Variants in TSKS observed in about 807,000 individuals in gnomAD.
The protein encoded by TSKS is testis-specific serine kinase substrate.
In TSKS, 27 loss-of-function variants were observed where a neutral mutation model predicts 68.0. That is an observed-to-expected ratio of 0.40 (90% CI 0.29 to 0.55). The LOEUF (loss-of-function observed/expected upper bound fraction) is 0.55, where lower values mean the gene tolerates loss of function less well. Ranked by LOEUF, TSKS falls within the 20% of genes least tolerant of loss-of-function variation. The pLI, the probability that TSKS is intolerant of heterozygous loss-of-function variation, is 0.53. For synonymous variants in TSKS, 331 were observed against 340.4 expected (o/e 0.97, Z 0.30); for missense variants, 806 against 776.0 (o/e 1.04, Z -0.46).
rs61734996 is a variant in TSKS, at chr19:49,739,863, C to G, written c.1692G>C (p.Leu564=). 2,216 of 1,614,020 alleles carry G rather than the reference C, an allele frequency of 1.4e-3. 30 individuals are homozygous for G. In the African/African-American group the frequency reaches 0.027, roughly 19 times the overall value. ...MCSLHDHLSN[L]PLEGSTGTMG... ...TTGTTCCCGTGGACCCCTCAAGTGG[C>G]AGGTTGCTGAGATGATCGTGGAGGG... The change falls in exon 11 of 11, where the codon CTG becomes CTC. Residue 564 remains leucine (L), a synonymous_variant. Transcript: ENST00000246801.
chr19:49,741,777 C>A, intron 9 of TSKS, 108 bp downstream of exon 9: 2 of 1,498,148 alleles, frequency 1.3e-6, no homozygotes. Context: ...CCCAGCTCAG[C>A]CCTTCCCCTT....
intron 2 of TSKS, among the ~76,000 whole-genome samples, chr19:49,758,064 G>A (rs1056163078): frequency 6.7e-6 from 1 of 149,292 alleles, no homozygotes; most frequent in African/African-American, 2.5e-5. Flanking sequence ...CTGGGTCTCT[G>A]TCCTCCTCTC....
chr19:49,744,946 C>G (rs1179809318), intron 7 of TSKS, among the ~76,000 whole-genome samples: 7 of 152,110 alleles, frequency 4.6e-5, no homozygotes, highest in Admixed American at 4.6e-4. Context: ...TTGATTTTCT[C>G]GGATCCCACT....
At chr19:49,747,161 G>C (rs1273222175) in intron 5 of TSKS, 2 of 1,536,254 alleles carry the variant, frequency 1.3e-6, no homozygotes, top group Admixed American at 3.9e-5. Flanking sequence ...AGTCCAGCTC[G>C]ATTCTCTTTC....
At chr19:49,762,354 C>G in intron 1 of TSKS, 122 bp from the exon 2 acceptor site, 1 of 662,894 alleles carries the variant, frequency 1.5e-6, no homozygotes. Flanking sequence ...AAGTTTCTCC[C>G]TTCTCTGTCC....
chr19:49,742,496 C>CTTTTTTTT (rs978089309), intron 8 of TSKS, among the ~76,000 whole-genome samples: 1 of 101,218 alleles, frequency 9.9e-6, no homozygotes, highest in East Asian at 2.8e-4. Flanking sequence ...GGGCCCGGCC[C>CTTTTTTTT]TTTTTTTTTT....
chr19:49,742,733 G>A (rs1456786054), intron 8 of TSKS, among the ~76,000 whole-genome samples: 4 of 151,486 alleles, frequency 2.6e-5, no homozygotes, highest in African/African-American at 9.7e-5. Flanking sequence ...CCTGACCTCC[G>A]GTGATCCTCC....
chr19:49,758,468 C>T (rs753474453), intron 2 of TSKS, among the ~76,000 whole-genome samples: 5 of 152,186 alleles, frequency 3.3e-5, no homozygotes, highest in Admixed American at 1.3e-4. Flanking sequence ...TCAGGCTTCA[C>T]GATCCAGTGG....
intron 2 of TSKS, among the ~76,000 whole-genome samples, chr19:49,755,224 C>A (rs2084383602): frequency 6.6e-6 from 1 of 152,024 alleles, no homozygotes; most frequent in Admixed American, 6.6e-5. Context: ...GCCTGAGAAA[C>A]ATGAAAACAA....
chr19:49,759,321 T>C (rs1469581129), intron 2 of TSKS, among the ~76,000 whole-genome samples: 2 of 151,192 alleles, frequency 1.3e-5, no homozygotes, highest in Non-Finnish European at 3.0e-5. Flanking sequence ...ATACAAAAAT[T>C]AGCCGGGCGT....
At chr19:49,761,252 C>G (rs2123633839) in intron 2 of TSKS, among the ~76,000 whole-genome samples, 1 of 152,264 alleles carries the variant, frequency 6.6e-6, no homozygotes, top group South Asian at 2.1e-4. Context: ...TTCTCAGTAT[C>G]TGGTAGAGCC....
chr19:49,752,605 A>G (rs955356635), intron 2 of TSKS, among the ~76,000 whole-genome samples: 1 of 152,160 alleles, frequency 6.6e-6, no homozygotes, highest in Non-Finnish European at 1.5e-5. Flanking sequence ...ATGGACTAAC[A>G]TGGAGTGGGA....
Position 49,748,445 on chromosome 19 carries a change from G to A in TSKS, c.424C>T (p.Arg142Cys), listed in dbSNP as rs754948650. The A allele has an allele frequency of 2.1e-5, 34 of 1,614,086 alleles. No individual in the cohort carries two copies. The highest frequency in any genetic ancestry group is 1.6e-4 in the Middle Eastern group (1 of 6,084). The change falls in exon 3 of 11, where the codon CGC (arginine) becomes TGC (cysteine). Residue 142 changes from arginine to cysteine, a missense_variant. Coordinates refer to ENST00000246801, the MANE Select transcript of TSKS (RefSeq NM_021733.2). The stretch of plus-strand genomic sequence containing the variant: ...AAGCTGGTGATGGAGTCTTTGGCGC[G>A]GACCAATCCACTGTTGACCCCACTC... ...ILSGVNSGLV[R>C]AKDSITSLKE...
chr19:49,739,859 G>C lies in TSKS; in HGVS notation c.1696C>G (p.Leu566Val). The change falls in exon 11 of 11, where the codon CTT (leucine) becomes GTT (valine). Residue 566 changes from leucine (L) to valine (V), a missense_variant. Coordinates refer to ENST00000246801, the MANE Select transcript of TSKS (RefSeq NM_021733.2). Reference sequence around the variant, plus strand: ...CCCATTGTTCCCGTGGACCCCTCAAGTGGCAGGTTGCTGAGATGATCGTGG... The same window carrying C: ...CCCATTGTTCCCGTGGACCCCTCAACTGGCAGGTTGCTGAGATGATCGTGG... ...SLHDHLSNLP[L>V]EGSTGTMGGG... 1 of 1,614,102 alleles carries C rather than the reference G, an allele frequency of 6.2e-7. No homozygotes were observed. The highest frequency in any genetic ancestry group is 1.1e-5 in the South Asian group (1 of 91,080).
At chr19:49,746,848 G>A (rs779422416) in intron 5 of TSKS, 50 bp from the exon 6 acceptor site, 9 of 1,573,320 alleles carry the variant, frequency 5.7e-6, no homozygotes, top group Admixed American at 1.7e-5. Flanking sequence ...CTTTCCTCCC[G>A]CAACCACCTC....
At chr19:49,748,280 C>T in intron 3 of TSKS, 94 bp downstream of exon 3, 1 of 1,558,300 alleles carries the variant, frequency 6.4e-7, no homozygotes, top group Non-Finnish European at 8.8e-7. Context: ...AGCTCCCCAA[C>T]TGAGCTATGG....
chr19:49,762,274 A>G, intron 1 of TSKS, 42 bp from the exon 2 acceptor site: 1 of 1,547,274 alleles, frequency 6.5e-7, no homozygotes, highest in East Asian at 2.3e-5. Context: ...AAGCAGCCCC[A>G]GGGTGTCTGG....
intron 6 of TSKS, 116 bp downstream of exon 6, chr19:49,746,354 C>T (rs1039254411): frequency 5.4e-5 from 69 of 1,272,514 alleles, no homozygotes; most frequent in Non-Finnish European, 6.5e-5. Context: ...CACCGCCCAC[C>T]TCAGCTACTT....
At chr19:49,742,388 G>A (rs2084259920) in intron 8 of TSKS, among the ~76,000 whole-genome samples, 1 of 152,130 alleles carries the variant, frequency 6.6e-6, no homozygotes, top group Admixed American at 6.6e-5. Context: ...AGTAGAGACG[G>A]GGTTTCACCA....
Sources: allele counts gnomAD v4.1 joint callset (sites outside exome capture counted in the v4.1 genomes callset), GRCh38; gene constraint gnomAD v4.1.1; transcripts MANE v1.5; gene names NCBI Gene and HGNC (gene_info 2026-07-23, HGNC 2026-07-21).